CACNB1: variants seen among roughly 807,000 people sequenced by gnomAD.
CACNB1 encodes the protein voltage-dependent L-type calcium channel subunit beta-1.
A neutral mutation model predicts 71.6 loss-of-function variants in CACNB1; 29 were observed. The ratio of observed to expected loss-of-function variants is 0.40; its 90% CI spans 0.30 to 0.55. CACNB1 has a LOEUF of 0.55. Among genes scored for constraint, CACNB1 ranks in the 20% least tolerant of loss-of-function variants. The pLI is 0.38. For missense variants in CACNB1, 623 were observed against 801.8 expected (o/e 0.78, Z 2.69); for synonymous variants, 300 against 319.6 (o/e 0.94, Z 0.65).
chr17:39,175,349 G>A lies in CACNB1; in HGVS notation c.1641C>T (p.Ser547=), dbSNP rs1354818313. ...CATAGTCTTCTTCCTCGTCCTCCCA[G>A]GATCCCTGTCGGGCTGGGGGCGTGC... The part of the protein sequence containing the change: ...GGGTPPARQG[S]WEDEEEDYEE... Residue 547 remains serine, a synonymous_variant, in exon 14 of 14, where the codon TCC becomes TCT. Coordinates refer to ENST00000394303, the MANE Select transcript of CACNB1 (RefSeq NM_000723.5). This position sits in a 1 kb window ranked among gnomAD's most constrained non-coding sequence, Gnocchi z 4.7. 6.2e-7 allele frequency: 1 copy of A among 1,614,018 alleles called. No homozygotes were observed. The highest frequency in any genetic ancestry group is 8.5e-7 in the Non-Finnish European group (1 of 1,180,028).
rs749939051 is a variant in CACNB1 at position 39,177,317 on chromosome 17, G to A, written c.1332+33C>T. 8.1e-5 allele frequency: 130 copies of A among 1,611,992 alleles called. 2 individuals are homozygous for A. The Admixed American group carries it at 2.1e-3, about 26-fold the overall frequency. On this transcript the variant is annotated intron_variant, in intron 13 of 13. Coordinates refer to ENST00000394303, the MANE Select transcript of CACNB1 (RefSeq NM_000723.5). ...AGGACTCCAGCCCGCCCCAGAAGCC[G>A]AGGTTTCTCCTGAGCGAGGTGAGCA...
rs2045633960 is a variant in CACNB1, at chr17:39,178,044, A to G, written c.1086T>C (p.Ser362=). The G allele has an allele frequency of 6.2e-7, 1 of 1,614,082 alleles. No individual in the cohort carries two copies. Among genetic ancestry groups the G allele is most frequent in the Non-Finnish European group, 8.5e-7 (1 of 1,179,990 alleles). ...LQRLIKSRGK[S]QSKHLNVQIA... Reference sequence around the variant, plus strand: ...TTTGGACATTGAGGTGTTTGGACTGAGACTTTCCTCGGGACTTGATGAGCC... The same window carrying G: ...TTTGGACATTGAGGTGTTTGGACTGGGACTTTCCTCGGGACTTGATGAGCC... The change falls in exon 12 of 14, where the codon TCT becomes TCC. Residue 362 remains serine (S), a synonymous_variant. Transcript: ENST00000394303.
intron 11 of CACNB1, chr17:39,183,101 C>T (rs1188710288): frequency 1.0e-5 from 2 of 195,902 alleles, no homozygotes; most frequent in African/African-American, 4.7e-5. Context: ...CAAATGAGGA[C>T]ACTGCAGCAA....
intron 2 of CACNB1, chr17:39,192,580 G>A (rs924459049): frequency 1.3e-5 from 2 of 152,800 alleles, no homozygotes; most frequent in Non-Finnish European, 2.9e-5. Flanking sequence ...GGACATGTGA[G>A]GGCAGGAGGC....
At chr17:39,177,318 AG>A (rs773355889) in intron 13 of CACNB1, 31 bp downstream of exon 13, 1 of 1,612,296 alleles carries the variant, frequency 6.2e-7, no homozygotes, top group South Asian at 1.1e-5. Flanking sequence ...CCAGAAGCCG[AG>A]GTTTCTCCTG....
intron 11 of CACNB1, among the ~76,000 whole-genome samples, chr17:39,179,245 C>A (rs573184342): frequency 1.4e-5 from 2 of 138,892 alleles, no homozygotes; most frequent in South Asian, 4.5e-4. Flanking sequence ...GGTGCCACTG[C>A]ACTCCAGCTT....
rs932270180 is a variant in CACNB1 at position 39,174,926 on chromosome 17, C to T, written c.*267G>A. 9 of 485,388 alleles carry T rather than the reference C, an allele frequency of 1.9e-5. No homozygotes were observed. Among genetic ancestry groups the T allele is most frequent in the African/African-American group, 1.4e-4 (7 of 51,154 alleles). 30.1% of individuals were successfully genotyped at this position (485,388 alleles called of 1,614,324 possible). The stretch of plus-strand genomic sequence containing the variant: ...CTCTAGGAGGGTGAGGGAGGAGAGC[C>T]CCTTAAGATGGGAGAAAGGGGACAC... On this transcript the variant is annotated 3_prime_UTR_variant, in exon 14 of 14. Transcript: ENST00000394303.
intron 1 of CACNB1, among the ~76,000 whole-genome samples, chr17:39,195,672 G>T (rs745513808): frequency 6.6e-6 from 1 of 152,134 alleles, no homozygotes; most frequent in Non-Finnish European, 1.5e-5. Context: ...GCCCAGACAG[G>T]ACTTTTTCTC....
chr17:39,191,000 C>T (rs548733880), intron 3 of CACNB1, among the ~76,000 whole-genome samples: 11 of 151,712 alleles, frequency 7.3e-5, no homozygotes, highest in South Asian at 4.2e-4. Flanking sequence ...GTCAGGAGAT[C>T]GAGACCATCC....
At chr17:39,187,245 C>T in intron 4 of CACNB1, 1 of 612,416 alleles carries the variant, frequency 1.6e-6, no homozygotes, top group Non-Finnish European at 2.9e-6. Context: ...CCCTGGCACA[C>T]CGCCATGCCA....
chr17:39,185,651 C>T (rs945737333), intron 6 of CACNB1, among the ~76,000 whole-genome samples: 1 of 151,860 alleles, frequency 6.6e-6, no homozygotes, highest in Admixed American at 6.6e-5. Context: ...TAGACACCAA[C>T]ACCAGAGCAG....
chr17:39,181,942 C>G (rs1244152980), intron 11 of CACNB1, among the ~76,000 whole-genome samples: 3 of 152,084 alleles, frequency 2.0e-5, no homozygotes, highest in Non-Finnish European at 4.4e-5. Flanking sequence ...GCCGGTGGAT[C>G]ACGAGGTCAG....
intron 2 of CACNB1, 181 bp from the exon 3 acceptor site, chr17:39,191,774 C>A: frequency 1.7e-6 from 1 of 587,114 alleles, no homozygotes; most frequent in South Asian, 2.3e-5. Context: ...ATTTCTCAGG[C>A]CCCTGGGGAA....
intron 11 of CACNB1, among the ~76,000 whole-genome samples, chr17:39,182,733 A>AAATC (rs1470122035): frequency 6.6e-6 from 1 of 151,346 alleles, no homozygotes; most frequent in Non-Finnish European, 1.5e-5. Flanking sequence ...ATAAATAAAT[A>AAATC]AATAAATAAA....
Position 39,175,957 on chromosome 17 carries a change from CAG to C in CACNB1, c.1333-302_1333-301del, listed in dbSNP as rs1489162635. ...GCCATGAGTCACCGCTTCCTCAGTGCAGGTCATTAATGCTATCTTGGGGCTAA... is the reference window on the plus strand; with the variant it reads ...GCCATGAGTCACCGCTTCCTCAGTGCGTCATTAATGCTATCTTGGGGCTAA... On this transcript the variant is annotated intron_variant, in intron 13 of 13. Coordinates refer to ENST00000394303, the MANE Select transcript of CACNB1 (RefSeq NM_000723.5). The surrounding 1 kb of genome is among the most constrained non-coding windows in gnomAD (Gnocchi z 4.7). Among the ~76,000 whole-genome samples the C allele has an allele frequency of 1.3e-5, 2 of 152,202 alleles. No homozygotes were observed. Among genetic ancestry groups the C allele is most frequent in the Non-Finnish European group, 2.9e-5 (2 of 68,030 alleles).
intron 3 of CACNB1, among the ~76,000 whole-genome samples, chr17:39,188,013 A>C (rs1313261408): frequency 1.3e-5 from 2 of 152,018 alleles, no homozygotes; most frequent in Non-Finnish European, 2.9e-5. Context: ...ACTCCATTTC[A>C]AAACAACAAC....
chr17:39,183,337 A>AAAGAAGAAG (rs35982951), intron 11 of CACNB1, among the ~76,000 whole-genome samples: 10 of 130,294 alleles, frequency 7.7e-5, no homozygotes, highest in East Asian at 4.2e-4. Flanking sequence ...GACTTAAAAA[A>AAAGAAGAAG]AAGAAGAAGA....
At chr17:39,182,067 A>AG (rs1490281634) in intron 11 of CACNB1, among the ~76,000 whole-genome samples, 1 of 151,982 alleles carries the variant, frequency 6.6e-6, no homozygotes, top group Non-Finnish European at 1.5e-5. Context: ...AGGATGAGGC[A>AG]GAGGAATCAC....
At chr17:39,181,915 A>C (rs526208) in intron 11 of CACNB1, among the ~76,000 whole-genome samples, 54,367 of 151,850 alleles carry the variant, frequency 0.36, 14,726 homozygotes, top group African/African-American at 0.77. Flanking sequence ...GTAATCCTAG[A>C]ACTTTGGGAG....
Sources: allele counts gnomAD v4.1 joint callset (sites outside exome capture counted in the v4.1 genomes callset), GRCh38; gene constraint gnomAD v4.1.1; non-coding constraint Gnocchi (gnomAD v3.1); transcripts MANE v1.5; gene names NCBI Gene and HGNC (gene_info 2026-07-23, HGNC 2026-07-21).